PIK3AP1: variants seen among roughly 807,000 people sequenced by gnomAD.
The protein encoded by PIK3AP1 is phosphoinositide-3-kinase adaptor protein 1, also known as phosphoinositide 3-kinase adapter protein 1.
Under a neutral mutation model 88.1 loss-of-function variants are expected in PIK3AP1, and 21 were observed. The ratio of observed to expected loss-of-function variants is 0.24; its 90% CI spans 0.17 to 0.34. The LOEUF is 0.34. Among genes scored for constraint, PIK3AP1 ranks in the 10% least tolerant of loss-of-function variants. The pLI is 1.00. For missense variants in PIK3AP1, 828 were observed against 1,035.7 expected, an observed-to-expected ratio of 0.80 and a Z score of 2.75; for synonymous variants, 398 against 400.0, an observed-to-expected ratio of 1.00 and a Z score of 0.06.
At chr10:96,628,208 C>A (rs1167211147) in intron 9 of PIK3AP1, among the ~76,000 whole-genome samples, 190 bp downstream of exon 9, 1 of 152,162 alleles carries the variant, frequency 6.6e-6, no homozygotes, top group African/African-American at 2.4e-5. Flanking sequence ...TCCTGGCCCA[C>A]CTCTAAAGGG....
At chr10:96,710,134 G>A (rs146571716) in intron 1 of PIK3AP1, 151 bp from the exon 2 acceptor site, 25 of 670,310 alleles carry the variant, frequency 3.7e-5, no homozygotes, top group Middle Eastern at 4.3e-4. Flanking sequence ...CCTCACTCAC[G>A]CATTTCTTTC....
intron 2 of PIK3AP1, among the ~76,000 whole-genome samples, chr10:96,698,586 A>T (rs1844252377): frequency 6.6e-6 from 1 of 152,138 alleles, no homozygotes. Context: ...AACTAAACTA[A>T]GCTGGGTGCA....
chr10:96,719,653 T>C (rs1844546187), intron 1 of PIK3AP1, among the ~76,000 whole-genome samples: 1 of 152,170 alleles, frequency 6.6e-6, no homozygotes, highest in Admixed American at 6.5e-5. Flanking sequence ...TTATGTGGCT[T>C]GTCCTGGATC....
rs763923650 is a variant in PIK3AP1 at position 96,711,739 on chromosome 10, ATTTTTTTTTTTTTT to A, written c.14-1770_14-1757del. On this transcript the variant is annotated intron_variant, in intron 1 of 16. Transcript: ENST00000339364. ...ATTTCCCCCAGGATGAGATTACCAA[ATTTTTTTTTTTTTT>A]TTTTTTTTTTTTTTTTAGACGGAGT... 6.9e-3 allele frequency among the ~76,000 whole-genome samples: 461 copies of A among 66,466 alleles called. 9 individuals are homozygous for A. The highest frequency in any genetic ancestry group is 0.024 in the African/African-American group (338 of 14,266). The allele number at this position is 66,466 out of a possible 152,430, so 43.6% of individuals were successfully genotyped here.
intron 8 of PIK3AP1, among the ~76,000 whole-genome samples, chr10:96,631,967 T>A (rs546946364): frequency 6.6e-6 from 1 of 152,204 alleles, no homozygotes; most frequent in East Asian, 1.9e-4. Flanking sequence ...AAGAACATCA[T>A]GACTCCTTCC....
At chr10:96,628,879 T>TATACATATACATATAC (rs1564961151) in intron 8 of PIK3AP1, among the ~76,000 whole-genome samples, 3 of 10,438 alleles carry the variant, frequency 2.9e-4, no homozygotes, top group African/African-American at 4.6e-4. Context: ...TATACACATA[T>TATACATATACATATAC]ATATATATAC....
intron 8 of PIK3AP1, among the ~76,000 whole-genome samples, chr10:96,628,964 A>C (rs1325654599): frequency 2.1e-5 from 3 of 143,764 alleles, no homozygotes; most frequent in Non-Finnish European, 4.5e-5. Flanking sequence ...GTGGCTATTC[A>C]CAGGCACAAC....
rs201358424 is a variant in PIK3AP1 at position 96,620,549 on chromosome 10, C to T, written c.1744G>A (p.Val582Ile). 5.7e-5 allele frequency: 92 copies of T among 1,612,418 alleles called. No homozygotes were observed. In the East Asian group the frequency reaches 6.0e-4, roughly 11 times the overall value. The part of the protein sequence containing the change: ...SSESIRKGPP[V>I]RPWRDRPQSS... ...TGGGGCCTGTCCCTCCATGGTCTGA[C>T]GGGCGGCCCTGGAAAGGATGGCAAA... The change falls in exon 12 of 17, where the codon GTC becomes ATC. Residue 582 changes from valine (V) to isoleucine (I), a missense_variant. Coordinates refer to ENST00000339364, the MANE Select transcript of PIK3AP1 (RefSeq NM_152309.3).
intron 2 of PIK3AP1, among the ~76,000 whole-genome samples, chr10:96,665,993 C>T (rs188944642): frequency 2.6e-5 from 4 of 152,256 alleles, no homozygotes; most frequent in Admixed American, 2.6e-4. Flanking sequence ...ACAAAATGAA[C>T]GTGGTCGATT....
rs1848705249 is a variant in PIK3AP1, at chr10:96,593,441, G to C, written c.*2136C>G. 6.6e-6 allele frequency: 1 copy of C among 152,168 alleles called. No individual in the cohort carries two copies. Among genetic ancestry groups the C allele is most frequent in the Non-Finnish European group, 1.5e-5 (1 of 68,034 alleles). 9.4% of individuals were successfully genotyped at this position (152,168 alleles called of 1,614,324 possible). ...ATGCTAACAACATTGGCTGGTAATA[G>C]GCTTTACCATGTTACGATCTAAATG... On this transcript the variant is annotated 3_prime_UTR_variant, in exon 17 of 17. Coordinates refer to ENST00000339364, the MANE Select transcript of PIK3AP1 (RefSeq NM_152309.3).
chr10:96,600,851 C>T (rs1011482280), intron 16 of PIK3AP1, among the ~76,000 whole-genome samples: 4 of 152,218 alleles, frequency 2.6e-5, no homozygotes, highest in Non-Finnish European at 4.4e-5. Flanking sequence ...GTTAACTCCT[C>T]AGACAAGCCT....
intron 8 of PIK3AP1, among the ~76,000 whole-genome samples, chr10:96,628,861 CACACATATAT>C (rs1284573823): frequency 1.8e-5 from 1 of 55,684 alleles, no homozygotes; most frequent in African/African-American, 4.9e-5. Context: ...TATATACACA[CACACATATAT>C]ACACATATAT....
intron 13 of PIK3AP1, among the ~76,000 whole-genome samples, chr10:96,610,317 G>C (rs915691529): frequency 2.6e-5 from 4 of 152,150 alleles, no homozygotes; most frequent in African/African-American, 7.2e-5. Flanking sequence ...AGAGTTCTGA[G>C]AGCTATGGTA....
chr10:96,709,444 C>T, intron 2 of PIK3AP1, 123 bp downstream of exon 2: 2 of 1,241,836 alleles, frequency 1.6e-6, no homozygotes, highest in Non-Finnish European at 2.3e-6. Context: ...GCTCTAAACC[C>T]ATAAATATGA....
At chr10:96,656,989 A>G in intron 2 of PIK3AP1, 55 bp from the exon 3 acceptor site, 1 of 1,569,442 alleles carries the variant, frequency 6.4e-7, no homozygotes, top group Non-Finnish European at 8.7e-7. Context: ...AACTGTGGAC[A>G]TGTTCCACCC....
intron 4 of PIK3AP1, 61 bp from the exon 5 acceptor site, chr10:96,651,712 G>T: frequency 6.3e-7 from 1 of 1,575,414 alleles, no homozygotes; most frequent in Non-Finnish European, 8.7e-7. Flanking sequence ...AGGGAAAAGT[G>T]GCTGTGGATA....
intron 1 of PIK3AP1, among the ~76,000 whole-genome samples, chr10:96,710,906 T>G (rs1412032466): frequency 6.6e-6 from 1 of 152,198 alleles, no homozygotes; most frequent in African/African-American, 2.4e-5. Flanking sequence ...CCCTCAGGAA[T>G]TGGTAGCTGG....
Position 96,720,510 on chromosome 10 carries a change from GCTCT to G in PIK3AP1, c.-120_-117del. 1 of 959,620 alleles carries G rather than the reference GCTCT, an allele frequency of 1.0e-6. No individual in the cohort carries two copies. Among genetic ancestry groups the G allele is most frequent in the Non-Finnish European group, 1.3e-6 (1 of 754,450 alleles). 59.4% of individuals were successfully genotyped at this position (959,620 alleles called of 1,614,324 possible). A position where few individuals can be genotyped will look rare whatever the true frequency, so the allele number is the denominator to read the frequency against. On this transcript the variant is annotated 5_prime_UTR_variant, in exon 1 of 17. Transcript: ENST00000339364. The surrounding 1 kb of genome is among the most constrained non-coding windows in gnomAD (Gnocchi z 4.6). ...CGGGCTCCGCGCGGGACCGGCCGCC[GCTCT>G]GGCGCTTCCTCCCTCAGGGCAGCCC...
Position 96,602,158 on chromosome 10 carries a change from C to T in PIK3AP1, c.2360+122G>A, listed in dbSNP as rs1036228644. The stretch of plus-strand genomic sequence containing the variant: ...TTGGCCTCCCAAAGTGCTGGGATTA[C>T]AGGCATGAGCCACTGCGCCCAGCTC... On this transcript the variant is annotated intron_variant, in intron 16 of 16. Coordinates refer to ENST00000339364, the MANE Select transcript of PIK3AP1 (RefSeq NM_152309.3). The T allele has an allele frequency of 7.5e-6, 6 of 799,500 alleles. No homozygotes were observed. In the Admixed American group the frequency reaches 1.7e-4, roughly 22 times the overall value. 49.5% of individuals were successfully genotyped at this position (799,500 alleles called of 1,614,324 possible). A position where few individuals can be genotyped will look rare whatever the true frequency, so the allele number is the denominator to read the frequency against.
Sources: allele counts gnomAD v4.1 joint callset (sites outside exome capture counted in the v4.1 genomes callset), GRCh38; gene constraint gnomAD v4.1.1; non-coding constraint Gnocchi (gnomAD v3.1); transcripts MANE v1.5; gene names NCBI Gene and HGNC (gene_info 2026-07-23, HGNC 2026-07-21).